PTPRM: variants seen among roughly 807,000 people sequenced by gnomAD.
PTPRM encodes protein tyrosine phosphatase receptor type M, also known as receptor-type tyrosine-protein phosphatase mu.
A neutral mutation model predicts 186.7 loss-of-function variants in PTPRM; 47 were observed. The observed-to-expected ratio is 0.25, with a 90% CI of 0.20 to 0.32. The LOEUF is 0.32. Ranked by LOEUF, PTPRM falls within the 10% of genes least tolerant of loss-of-function variation. The pLI, the probability that PTPRM is intolerant of heterozygous loss-of-function variation, is 1.00. For synonymous variants in PTPRM, 668 were observed against 674.9 expected (o/e 0.99, Z 0.16); for missense variants, 1,494 against 1,865.0 (o/e 0.80, Z 3.66).
chr18:7,810,075 G>C (rs1430117624), intron 2 of PTPRM, among the ~76,000 whole-genome samples: 2 of 152,138 alleles, frequency 1.3e-5, no homozygotes, highest in African/African-American at 2.4e-5. Context: ...TTGGGGGAGA[G>C]GCAATGAGAG....
chr18:8,209,329 G>T (rs1213506993), intron 14 of PTPRM, among the ~76,000 whole-genome samples: 1 of 152,128 alleles, frequency 6.6e-6, no homozygotes, highest in Non-Finnish European at 1.5e-5. Flanking sequence ...AGAGAGATGG[G>T]TGGGTTTCAG....
chr18:7,726,275 A>T (rs74351470), intron 1 of PTPRM, among the ~76,000 whole-genome samples: 3,056 of 152,244 alleles, frequency 0.02, 106 homozygotes, highest in African/African-American at 0.07. Context: ...CATGGTGGTC[A>T]TTTACATATC....
chr18:7,794,944 G>A (rs1373505319), intron 2 of PTPRM, among the ~76,000 whole-genome samples: 1 of 152,262 alleles, frequency 6.6e-6, no homozygotes, highest in East Asian at 1.9e-4. Flanking sequence ...TACCTGGCCA[G>A]TGCTCCAGTA....
At chr18:7,635,715 T>G (rs1414152385) in intron 1 of PTPRM, among the ~76,000 whole-genome samples, 1 of 152,242 alleles carries the variant, frequency 6.6e-6, no homozygotes, top group Non-Finnish European at 1.5e-5. Context: ...CTTCTGAGCA[T>G]AGACAAGTTA....
chr18:7,829,239 G>T (rs948825619), intron 2 of PTPRM, among the ~76,000 whole-genome samples: 3 of 152,112 alleles, frequency 2.0e-5, no homozygotes, highest in Non-Finnish European at 4.4e-5. Context: ...AAATGTTAGA[G>T]ACATTTTTGT....
At chr18:7,956,248 G>A (rs2053301757) in intron 7 of PTPRM, among the ~76,000 whole-genome samples, 1 of 152,106 alleles carries the variant, frequency 6.6e-6, no homozygotes, top group Non-Finnish European at 1.5e-5. Flanking sequence ...TATTCAGATA[G>A]CATTAGATAA....
chr18:8,221,869 A>G (rs890327428), intron 14 of PTPRM, among the ~76,000 whole-genome samples: 2 of 152,230 alleles, frequency 1.3e-5, no homozygotes, highest in African/African-American at 4.8e-5. Flanking sequence ...CCAATCACCA[A>G]GTCTTGGCCA....
chr18:7,869,916 C>A (rs1219265905), intron 2 of PTPRM, among the ~76,000 whole-genome samples: 2 of 152,132 alleles, frequency 1.3e-5, no homozygotes, highest in Non-Finnish European at 2.9e-5. Context: ...AGGCTAAGAG[C>A]CCCAGTGTCT....
In PTPRM at chr18:7,947,335, A is replaced by G. The variant is rs147541075; in HGVS notation, c.664-1846A>G. 3.9e-3 allele frequency among the ~76,000 whole-genome samples: 595 copies of G among 152,204 alleles called. 2 individuals carry two copies. The highest frequency in any genetic ancestry group is 0.014 in the African/African-American group (571 of 41,534). Reference sequence around the variant, plus strand: ...TAGGAAGTGAGGCTCTATGAAGGTTAACCACTCTGGATGATCACTATAGGT... The same window carrying G: ...TAGGAAGTGAGGCTCTATGAAGGTTGACCACTCTGGATGATCACTATAGGT... On this transcript the variant is annotated intron_variant, in intron 5 of 32. Transcript: ENST00000580170.
chr18:7,656,220 T>C (rs2038844260), intron 1 of PTPRM, among the ~76,000 whole-genome samples: 1 of 152,232 alleles, frequency 6.6e-6, no homozygotes, highest in South Asian at 2.1e-4. Context: ...AAATGAAGTA[T>C]ATTCCTTTGA....
chr18:7,695,614 G>A (rs1461908956), intron 1 of PTPRM, among the ~76,000 whole-genome samples: 1 of 152,164 alleles, frequency 6.6e-6, no homozygotes, highest in Admixed American at 6.5e-5. Context: ...ACATAGAGTT[G>A]TTTATTTTCT....
At chr18:8,091,376 C>A (rs2090717319) in intron 11 of PTPRM, among the ~76,000 whole-genome samples, 1 of 152,122 alleles carries the variant, frequency 6.6e-6, no homozygotes, top group African/African-American at 2.4e-5. Context: ...CCCCTGTTAG[C>A]ATCTTGAAAT....
intron 2 of PTPRM, among the ~76,000 whole-genome samples, chr18:7,830,330 G>A (rs932116553): frequency 5.9e-5 from 9 of 152,088 alleles, no homozygotes; most frequent in African/African-American, 2.4e-5. Flanking sequence ...CTTAGATACC[G>A]CAAGTCCATG....
intron 7 of PTPRM, among the ~76,000 whole-genome samples, chr18:7,994,331 ATCAT>A (rs1223150094): frequency 1.3e-5 from 2 of 151,828 alleles, no homozygotes; most frequent in African/African-American, 2.4e-5. Flanking sequence ...TAAAGCAAAT[ATCAT>A]TAGCGCTAAT....
chr18:8,075,396 G>T (rs1356244236), intron 8 of PTPRM, among the ~76,000 whole-genome samples: 1 of 151,908 alleles, frequency 6.6e-6, no homozygotes, highest in Non-Finnish European at 1.5e-5. Context: ...ACTGCTTATT[G>T]GTCATTCACT....
chr18:8,345,210 T>C (rs2446503), intron 23 of PTPRM, among the ~76,000 whole-genome samples: 127,160 of 152,130 alleles, frequency 0.84, 54,174 homozygotes, highest in Middle Eastern at 0.94. Flanking sequence ...TTCAAGAAGA[T>C]AGATGAAGAA....
intron 7 of PTPRM, among the ~76,000 whole-genome samples, chr18:7,974,788 C>A (rs544874286): frequency 2.8e-4 from 43 of 152,290 alleles, no homozygotes; most frequent in South Asian, 2.7e-3. Flanking sequence ...TAACTTTTTT[C>A]TTTCAATCTT....
chr18:7,691,430 A>G (rs931843075), intron 1 of PTPRM, among the ~76,000 whole-genome samples: 2 of 151,806 alleles, frequency 1.3e-5, no homozygotes, highest in Non-Finnish European at 2.9e-5. Context: ...GGTACATAAT[A>G]GAGCTACCGA....
chr18:8,162,379 G>A (rs891926349), intron 14 of PTPRM, among the ~76,000 whole-genome samples: 3 of 152,200 alleles, frequency 2.0e-5, no homozygotes, highest in African/African-American at 7.2e-5. Flanking sequence ...GGGATTATGG[G>A]CATGAGCTAC....
Sources: allele counts gnomAD v4.1 joint callset (sites outside exome capture counted in the v4.1 genomes callset), GRCh38; gene constraint gnomAD v4.1.1; transcripts MANE v1.5; gene names NCBI Gene and HGNC (gene_info 2026-07-23, HGNC 2026-07-21).